The following TMEM63C variants were observed in gnomAD, a reference collection of about 807,000 sequenced individuals.
TMEM63C encodes the protein osmosensitive cation channel TMEM63C.
A neutral mutation model predicts 99.2 loss-of-function variants in TMEM63C; 32 were observed. The observed-to-expected ratio is 0.32, with a 90% confidence interval of 0.24 to 0.43. TMEM63C has a LOEUF of 0.43. Among genes scored for constraint, TMEM63C ranks in the 20% least tolerant of loss-of-function variants. TMEM63C has a pLI of 1.00. For missense variants in TMEM63C, 826 were observed against 1,053.0 expected (o/e 0.78, Z 2.98); for synonymous variants, 376 against 397.9 (o/e 0.94, Z 0.66).
chr14:77,207,985 C>A lies in TMEM63C; in HGVS notation c.-76-5461C>A, dbSNP rs1163583015. Reference sequence around the variant, plus strand: ...ATCAGGAGGGGGCTGTGGAACCAGCCCCCCAGCTCAGGCCCTAACTTCACG... The same window carrying A: ...ATCAGGAGGGGGCTGTGGAACCAGCACCCCAGCTCAGGCCCTAACTTCACG... On this transcript the variant is annotated intron_variant, in intron 1 of 23. Coordinates refer to ENST00000298351, the MANE Select transcript of TMEM63C (RefSeq NM_020431.4). Among the ~76,000 whole-genome samples, 8 of 152,292 alleles carry A rather than the reference C, an allele frequency of 5.3e-5. No individual in the cohort carries two copies. In the East Asian group the frequency reaches 1.4e-3, roughly 26 times the overall value.
At chr14:77,245,613 A>G (rs1889257524) in intron 16 of TMEM63C, among the ~76,000 whole-genome samples, 1 of 152,220 alleles carries the variant, frequency 6.6e-6, no homozygotes, top group South Asian at 2.1e-4. Flanking sequence ...GGTGGCAGGC[A>G]AGGAGGAGCA....
chr14:77,238,861 G>A lies in TMEM63C; in HGVS notation c.725+94G>A, dbSNP rs371107592. ...GGGTAGTGAGTTGGTGCAGGATGGT[G>A]GGACTGGGACACCCCGGGGTGGCTC... is the stretch of plus-strand genomic sequence containing the variant. On this transcript the variant is annotated intron_variant, in intron 10 of 23. Coordinates refer to ENST00000298351, the MANE Select transcript of TMEM63C (RefSeq NM_020431.4). 7.7e-5 allele frequency: 76 copies of A among 984,752 alleles called. 1 individual carries two copies. In the African/African-American group the frequency reaches 8.6e-4, roughly 11 times the overall value. 61.0% of individuals were successfully genotyped at this position (984,752 alleles called of 1,614,324 possible).
At chr14:77,251,757 T>C in intron 21 of TMEM63C, 32 bp from the exon 22 acceptor site, 1 of 1,580,906 alleles carries the variant, frequency 6.3e-7, no homozygotes, top group Non-Finnish European at 8.7e-7. Flanking sequence ...GCTGGCAGAC[T>C]CCTGCCCATG....
intron 8 of TMEM63C, 55 bp from the exon 9 acceptor site, chr14:77,236,569 T>G: frequency 7.7e-7 from 1 of 1,294,930 alleles, no homozygotes; most frequent in Admixed American, 1.7e-5. Context: ...CTCTGTGCAG[T>G]GGGCTCTGGG....
intron 9 of TMEM63C, among the ~76,000 whole-genome samples, chr14:77,238,199 T>A (rs922188690): frequency 4.6e-5 from 7 of 152,062 alleles, no homozygotes; most frequent in African/African-American, 1.7e-4. Flanking sequence ...CTCCCCAGAG[T>A]CTTGTTTACT....
intron 14 of TMEM63C, among the ~76,000 whole-genome samples, chr14:77,242,697 G>A (rs564309598): frequency 6.9e-6 from 1 of 144,002 alleles, no homozygotes; most frequent in African/African-American, 2.8e-5. Flanking sequence ...GGGAACTCAG[G>A]TCCATTTTTT....
intron 7 of TMEM63C, 73 bp downstream of exon 7, chr14:77,231,803 G>T: frequency 6.6e-7 from 1 of 1,506,956 alleles, no homozygotes; most frequent in South Asian, 1.2e-5. Context: ...GTCAGGGCTG[G>T]GGTTGAGGGT....
Position 77,239,744 on chromosome 14 carries a change from T to A in TMEM63C, c.930+18T>A. ...TCAAGGAGGTAACTGGCTTGAGCGT[T>A]GGGAGCACAGCAAGGGAGCGGTGGG... is the stretch of plus-strand genomic sequence containing the variant. On this transcript the variant is annotated intron_variant, in intron 12 of 23. Coordinates refer to ENST00000298351, the MANE Select transcript of TMEM63C (RefSeq NM_020431.4). 2 of 1,611,932 alleles carry A rather than the reference T, an allele frequency of 1.2e-6. No homozygotes were observed. The highest frequency in any genetic ancestry group is 1.7e-5 in the Admixed American group (1 of 59,930).
intron 7 of TMEM63C, among the ~76,000 whole-genome samples, chr14:77,232,340 T>G (rs1185118143): frequency 6.6e-6 from 1 of 152,116 alleles, no homozygotes; most frequent in Non-Finnish European, 1.5e-5. Context: ...CAGGCTGGAG[T>G]GCAATGGCGC....
At position 77,257,690 on chromosome 14, in the gene TMEM63C, C is replaced by G. The variant is rs769551248; in HGVS notation, c.*964C>G. ...CCTCCTACCCAACTGAGTGCCTGGG[C>G]CCCCAGCTTGGCCAAGATGGGCAGT... On this transcript the variant is annotated 3_prime_UTR_variant, in exon 24 of 24. Transcript: ENST00000298351. 1 of 152,248 alleles carries G rather than the reference C, an allele frequency of 6.6e-6. No individual in the cohort carries two copies. The highest frequency in any genetic ancestry group is 6.5e-5 in the Admixed American group (1 of 15,278). The allele number at this position is 152,248 out of a possible 1,614,324, so 9.4% of individuals were successfully genotyped here. A position where few individuals can be genotyped will look rare whatever the true frequency, so the allele number is the denominator to read the frequency against.
At chr14:77,239,887 C>A (rs1889134797) in intron 12 of TMEM63C, among the ~76,000 whole-genome samples, 161 bp downstream of exon 12, 1 of 152,184 alleles carries the variant, frequency 6.6e-6, no homozygotes, top group Non-Finnish European at 1.5e-5. Context: ...GTCCTGCCTC[C>A]CTGTTGAGAT....
chr14:77,220,064 T>C lies in TMEM63C; in HGVS notation c.289T>C (p.Leu97=). ...GAAGACATCTCCCTCGGAGACTTCC[T>C]TGGAGATGGAACGCAGAGACAAGGT... The part of the protein sequence containing the change: ...SEKTSPSETS[L]EMERRDKGFC... Residue 97 remains leucine, a synonymous_variant, in exon 5 of 24, where the codon TTG becomes CTG. Transcript: ENST00000298351. The C allele has an allele frequency of 3.2e-6, 5 of 1,559,782 alleles. No individual in the cohort carries two copies. Among genetic ancestry groups the C allele is most frequent in the Non-Finnish European group, 4.3e-6 (5 of 1,151,734 alleles).
chr14:77,184,611 A>C (rs1418775805), intron 1 of TMEM63C, among the ~76,000 whole-genome samples: 1 of 152,250 alleles, frequency 6.6e-6, no homozygotes, highest in Non-Finnish European at 1.5e-5. Flanking sequence ...GAAAGTGCTC[A>C]GAGGAAGTGC....
rs1594872556 is a variant in TMEM63C at position 77,257,073 on chromosome 14, G to A, written c.*347G>A. On this transcript the variant is annotated 3_prime_UTR_variant, in exon 24 of 24. Coordinates refer to ENST00000298351, the MANE Select transcript of TMEM63C (RefSeq NM_020431.4). ...GGTGTTCCTAAGGGAGGAGACAGAA[G>A]GAGGCTGCCGAAGGCTCTGTGGGGT... 1 of 246,996 alleles carries A rather than the reference G, an allele frequency of 4.0e-6. No homozygotes were observed. The highest frequency in any genetic ancestry group is 9.5e-5 in the East Asian group (1 of 10,484). The allele number at this position is 246,996 out of a possible 1,614,324, so 15.3% of individuals were successfully genotyped here. A position where few individuals can be genotyped will look rare whatever the true frequency, so the allele number is the denominator to read the frequency against.
At chr14:77,244,750 AAGGCATGGAGCTGT>A (rs1181380104) in intron 16 of TMEM63C, among the ~76,000 whole-genome samples, 2 of 152,214 alleles carry the variant, frequency 1.3e-5, no homozygotes, top group Admixed American at 6.5e-5. Context: ...CCATATCCTG[AAGGCATGGAGCTGT>A]AGGCATGAGC....
chr14:77,192,805 G>C, intron 1 of TMEM63C, among the ~76,000 whole-genome samples: 1 of 151,878 alleles, frequency 6.6e-6, no homozygotes, highest in East Asian at 1.9e-4. Context: ...GGAGGAGGAA[G>C]AGGAAGAAGA....
At chr14:77,228,667 G>T (rs1463256794) in intron 6 of TMEM63C, among the ~76,000 whole-genome samples, 1 of 151,866 alleles carries the variant, frequency 6.6e-6, no homozygotes, top group African/African-American at 2.4e-5. Flanking sequence ...CTCCCAAGTA[G>T]CTGGGATTAC....
chr14:77,248,942 A>G (rs572300353), intron 20 of TMEM63C, 70 bp downstream of exon 20: 1 of 1,367,414 alleles, frequency 7.3e-7, no homozygotes, highest in Non-Finnish European at 1.0e-6. Context: ...GAGCCTCACA[A>G]CATCAGTCCA....
intron 1 of TMEM63C, among the ~76,000 whole-genome samples, chr14:77,182,528 C>T (rs1050250196): frequency 1.3e-5 from 2 of 152,166 alleles, no homozygotes; most frequent in South Asian, 2.1e-4. Flanking sequence ...GGTGCTGTGG[C>T]TTGACCAAGG....
Sources: allele counts gnomAD v4.1 joint callset (sites outside exome capture counted in the v4.1 genomes callset), GRCh38; gene constraint gnomAD v4.1.1; transcripts MANE v1.5; gene names NCBI Gene and HGNC (gene_info 2026-07-23, HGNC 2026-07-21).